Variants in KIT observed in about 807,000 individuals in gnomAD.
KIT encodes the protein KIT proto-oncogene, receptor tyrosine kinase.
A neutral mutation model predicts 105.7 loss-of-function variants in KIT; 16 were observed. That is an observed-to-expected ratio of 0.15 (90% CI 0.10 to 0.23). KIT has a LOEUF of 0.23. KIT is among the 10% of genes least tolerant of loss of function. The pLI is 1.00. For synonymous variants in KIT, 438 were observed against 441.1 expected, an observed-to-expected ratio of 0.99 and a Z score of 0.09; for missense variants, 858 against 1,213.8, an observed-to-expected ratio of 0.71 and a Z score of 4.36.
At position 54,733,412 on chromosome 4, in the gene KIT, T is replaced by A. The variant is rs530519200; in HGVS notation, c.2484+220T>A. 2.5e-5 allele frequency: 12 copies of A among 483,546 alleles called. No homozygotes were observed. The Admixed American group carries it at 3.1e-4, about 13-fold the overall frequency. The allele number at this position is 483,546 out of a possible 1,614,324, so 30.0% of individuals were successfully genotyped here. A position where few individuals can be genotyped will look rare whatever the true frequency, so the allele number is the denominator to read the frequency against. Reference sequence around the variant, plus strand: ...AAGTCCTAATTCTAATTGTGTAATTTTGGGGCATGTGAAGGAAACAGAAAT... The same window carrying A: ...AAGTCCTAATTCTAATTGTGTAATTATGGGGCATGTGAAGGAAACAGAAAT... On this transcript the variant is annotated intron_variant, in intron 17 of 20. Coordinates refer to ENST00000288135, the MANE Select transcript of KIT (RefSeq NM_000222.3).
intron 4 of KIT, among the ~76,000 whole-genome samples, chr4:54,702,319 CAG>C (rs1396067726): frequency 6.6e-6 from 1 of 151,928 alleles, no homozygotes; most frequent in Non-Finnish European, 1.5e-5. Flanking sequence ...TTATTTGACT[CAG>C]TGTGTCTAAA....
intron 1 of KIT, among the ~76,000 whole-genome samples, chr4:54,674,276 C>T (rs1183565119): frequency 6.6e-6 from 1 of 152,306 alleles, no homozygotes; most frequent in East Asian, 1.9e-4. Context: ...AGGAGTCAGA[C>T]CCCTCCCACT....
intron 13 of KIT, among the ~76,000 whole-genome samples, chr4:54,729,119 A>G (rs1722422499): frequency 6.6e-6 from 1 of 152,208 alleles, no homozygotes; most frequent in South Asian, 2.1e-4. Context: ...TCACTTAGAA[A>G]TTCAGGTTAA....
chr4:54,703,849 T>C lies in KIT; in HGVS notation c.882T>C (p.Asn294=), dbSNP rs765997309. Residue 294 remains asparagine (N), a synonymous_variant, in exon 5 of 21, where the codon AAT becomes AAC. Coordinates refer to ENST00000288135, the MANE Select transcript of KIT (RefSeq NM_000222.3). ...GAGTGTTCATGTGTTATGCCAATAA[T>C]ACTTTTGGATCAGCAAATGTCACAA... is the stretch of plus-strand genomic sequence containing the variant. ...DSGVFMCYAN[N]TFGSANVTTT... is the part of the protein sequence containing the mutation. 1.2e-6 allele frequency: 2 copies of C among 1,613,900 alleles called. No homozygotes were observed. The highest frequency in any genetic ancestry group is 4.5e-5 in the East Asian group (2 of 44,860).
At chr4:54,668,417 A>G (rs923816856) in intron 1 of KIT, among the ~76,000 whole-genome samples, 4 of 152,238 alleles carry the variant, frequency 2.6e-5, no homozygotes, top group South Asian at 4.1e-4. Flanking sequence ...CAAAATATCC[A>G]CCTTCATTTG....
In KIT at chr4:54,738,534, C is replaced by T. The variant is rs781007582; in HGVS notation, c.2908C>T (p.Leu970=). 6.2e-7 allele frequency: 1 copy of T among 1,614,136 alleles called. No individual in the cohort carries two copies. Among genetic ancestry groups the T allele is most frequent in the Non-Finnish European group, 8.5e-7 (1 of 1,180,026 alleles). ...VGSTASSSQP[L]LVHDDV is the part of the protein sequence containing the mutation. ...CAGCACCGCTTCCTCCTCCCAGCCT[C>T]TGCTTGTGCACGACGATGTCTGAGC... The change falls in exon 21 of 21, where the codon CTG becomes TTG. Residue 970 remains leucine (L), a synonymous_variant. Transcript: ENST00000288135.
At chr4:54,671,676 C>T (rs1420646827) in intron 1 of KIT, among the ~76,000 whole-genome samples, 1 of 152,062 alleles carries the variant, frequency 6.6e-6, no homozygotes, top group East Asian at 1.9e-4. Flanking sequence ...GTTAAAAAAG[C>T]AGTAAGGAGT....
intron 1 of KIT, among the ~76,000 whole-genome samples, chr4:54,672,401 T>A (rs1718175686): frequency 6.6e-6 from 1 of 152,172 alleles, no homozygotes; most frequent in Non-Finnish European, 1.5e-5. Flanking sequence ...GATTCATATT[T>A]TTTGCTAGAT....
intron 8 of KIT, among the ~76,000 whole-genome samples, chr4:54,725,038 C>A (rs1722132997): frequency 6.6e-6 from 1 of 152,078 alleles, no homozygotes; most frequent in South Asian, 2.1e-4. Context: ...TATAACTAGG[C>A]CTTCCTGCTT....
intron 7 of KIT, among the ~76,000 whole-genome samples, chr4:54,723,356 A>G (rs1402031390): frequency 3.3e-5 from 5 of 152,140 alleles, no homozygotes; most frequent in African/African-American, 7.2e-5. Flanking sequence ...TGCCTCAGCC[A>G]TCTCCTCTGG....
chr4:54,715,924 C>T (rs142242888), intron 7 of KIT, among the ~76,000 whole-genome samples: 161 of 150,818 alleles, frequency 1.1e-3, no homozygotes, highest in African/African-American at 3.8e-3. Flanking sequence ...GCCACTGTGC[C>T]CTTCAGGAAG....
intron 1 of KIT, among the ~76,000 whole-genome samples, chr4:54,691,026 T>C (rs1421541368): frequency 6.6e-6 from 1 of 152,152 alleles, no homozygotes; most frequent in African/African-American, 2.4e-5. Flanking sequence ...AAGCATGAAC[T>C]CATGATCTTG....
chr4:54,686,506 A>G (rs1476014855), intron 1 of KIT, among the ~76,000 whole-genome samples: 1 of 152,174 alleles, frequency 6.6e-6, no homozygotes, highest in Non-Finnish European at 1.5e-5. Flanking sequence ...GATGATGTCA[A>G]TCAGTTACCT....
chr4:54,734,438 C>G lies in KIT; in HGVS notation c.2484+1246C>G, dbSNP rs568421331. The stretch of plus-strand genomic sequence containing the variant: ...TATGACAGTGCCAGACATATTGTTA[C>G]TATTCTTTATAGATGTCTTATTTAC... On this transcript the variant is annotated intron_variant, in intron 17 of 20. Coordinates refer to ENST00000288135, the MANE Select transcript of KIT (RefSeq NM_000222.3). Among the ~76,000 whole-genome samples the G allele has an allele frequency of 1.2e-4, 18 of 152,294 alleles. No individual in the cohort carries two copies. The South Asian group carries it at 1.9e-3, about 16-fold the overall frequency.
chr4:54,723,418 G>A (rs966800246), intron 7 of KIT, among the ~76,000 whole-genome samples, 166 bp from the exon 8 acceptor site: 10 of 152,154 alleles, frequency 6.6e-5, no homozygotes, highest in African/African-American at 1.9e-4. Context: ...CCTGACAGCC[G>A]CCTCCTTGTA....
intron 1 of KIT, among the ~76,000 whole-genome samples, chr4:54,680,105 A>G (rs1718796537): frequency 6.6e-6 from 1 of 152,194 alleles, no homozygotes; most frequent in African/African-American, 2.4e-5. Flanking sequence ...CAACAATGTG[A>G]ATGTACTTAA....
In KIT at chr4:54,738,618, G is replaced by C; in HGVS notation, c.*61G>C. Reference sequence around the variant, plus strand: ...ATCTCTTCTTTTGGCTTCCATGATGGTTATTTTCTTTTCTTTCAACTTGCA... The same window carrying C: ...ATCTCTTCTTTTGGCTTCCATGATGCTTATTTTCTTTTCTTTCAACTTGCA... On this transcript the variant is annotated 3_prime_UTR_variant, in exon 21 of 21. Coordinates refer to ENST00000288135, the MANE Select transcript of KIT (RefSeq NM_000222.3). 4 of 1,600,360 alleles carry C rather than the reference G, an allele frequency of 2.5e-6. No individual in the cohort carries two copies. The highest frequency in any genetic ancestry group is 2.2e-5 in the South Asian group (2 of 90,858).
At chr4:54,725,713 C>A in intron 8 of KIT, 144 bp from the exon 9 acceptor site, 1 of 805,798 alleles carries the variant, frequency 1.2e-6, no homozygotes, top group Non-Finnish European at 2.1e-6. Context: ...CACCAAAGTG[C>A]TTATTCTTAG....
At chr4:54,666,394 C>T (rs541497653) in intron 1 of KIT, among the ~76,000 whole-genome samples, 91 of 152,238 alleles carry the variant, frequency 6.0e-4, no homozygotes, top group African/African-American at 2.1e-3. Context: ...ATTCTCCTGC[C>T]TCAGCCTCCC....
Sources: gnomAD v4.1 joint callset for allele counts (sites outside exome capture counted in the v4.1 genomes callset) on GRCh38, gnomAD v4.1.1 for gene constraint, MANE v1.5 for transcripts, NCBI Gene and HGNC (gene_info 2026-07-23, HGNC 2026-07-21) for gene names.